MIDEAS: variants seen among roughly 807,000 people sequenced by gnomAD.
MIDEAS encodes the protein mitotic deacetylase-associated SANT domain protein.
Under a neutral mutation model 102.7 loss-of-function variants are expected in MIDEAS, and 26 were observed. The observed-to-expected ratio is 0.25, with a 90% CI of 0.19 to 0.35. MIDEAS has a LOEUF of 0.35. MIDEAS is among the 10% of genes least tolerant of loss of function. MIDEAS has a pLI of 1.00. For missense variants in MIDEAS, 1,231 were observed against 1,435.6 expected, an observed-to-expected ratio of 0.86 and a Z score of 2.30; for synonymous variants, 585 against 591.0, an observed-to-expected ratio of 0.99 and a Z score of 0.15.
chr14:73,785,350 T>C (rs549583643), intron 1 of MIDEAS, among the ~76,000 whole-genome samples: 8 of 152,262 alleles, frequency 5.3e-5, no homozygotes, highest in Non-Finnish European at 8.8e-5. Flanking sequence ...GCATGGCAAA[T>C]GGGAGGATCC....
intron 3 of MIDEAS, among the ~76,000 whole-genome samples, chr14:73,732,048 T>C (rs540269728): frequency 6.6e-6 from 1 of 152,378 alleles, no homozygotes; most frequent in South Asian, 2.1e-4. Context: ...CAGTCTCTTG[T>C]CTTTTCTGGA....
At chr14:73,774,800 T>G (rs1184849472) in intron 1 of MIDEAS, among the ~76,000 whole-genome samples, 1 of 151,934 alleles carries the variant, frequency 6.6e-6, no homozygotes, top group Non-Finnish European at 1.5e-5. Flanking sequence ...GACAGCCAGC[T>G]CACCAAGCAC....
intron 1 of MIDEAS, among the ~76,000 whole-genome samples, chr14:73,748,060 G>A (rs988838881): frequency 6.6e-6 from 1 of 152,126 alleles, no homozygotes; most frequent in Non-Finnish European, 1.5e-5. Context: ...TTACTGTTCT[G>A]TGTCTCGTTA....
At chr14:73,779,571 T>TA (rs35332223) in intron 1 of MIDEAS, among the ~76,000 whole-genome samples, 50,469 of 102,364 alleles carry the variant, frequency 0.49, 10,209 homozygotes, top group Admixed American at 0.53. Context: ...ATTATTATTA[T>TA]TATTTTTTTT....
rs2052897080 is a variant in MIDEAS, at chr14:73,716,714, T to A, written c.*2129A>T. 1 of 138,226 alleles carries A rather than the reference T, an allele frequency of 7.2e-6. No individual in the cohort carries two copies. The highest frequency in any genetic ancestry group is 7.3e-5 in the Admixed American group (1 of 13,712). The allele number at this position is 138,226 out of a possible 1,614,324, so 8.6% of individuals were successfully genotyped here. On this transcript the variant is annotated 3_prime_UTR_variant, in exon 13 of 13. Transcript: ENST00000423556. Reference sequence around the variant, plus strand: ...AAAAAAAAAAAAAAAAAAAAATTTTTTTTCCAAGTACAAGATGTTACCACT... The same window carrying A: ...AAAAAAAAAAAAAAAAAAAAATTTTATTTCCAAGTACAAGATGTTACCACT...
Position 73,716,863 on chromosome 14 carries a change from G to A in MIDEAS, c.*1980C>T, listed in dbSNP as rs1250713581. On this transcript the variant is annotated 3_prime_UTR_variant, in exon 13 of 13. Transcript: ENST00000423556. ...AACATAAGTAGCACTTTGGGGCTAAGCTGCGAAGGCACTCGTATTGTACAA... is the reference window on the plus strand; with the variant it reads ...AACATAAGTAGCACTTTGGGGCTAAACTGCGAAGGCACTCGTATTGTACAA... The A allele has an allele frequency of 1.3e-5, 2 of 152,602 alleles. No homozygotes were observed. The highest frequency in any genetic ancestry group is 2.9e-5 in the Non-Finnish European group (2 of 68,042). 9.5% of individuals were successfully genotyped at this position (152,602 alleles called of 1,614,324 possible). A position where few individuals can be genotyped will look rare whatever the true frequency, so the allele number is the denominator to read the frequency against.
chr14:73,779,575 T>TATTA (rs200936397), intron 1 of MIDEAS, among the ~76,000 whole-genome samples: 1 of 135,640 alleles, frequency 7.4e-6, no homozygotes, highest in African/African-American at 2.8e-5. Flanking sequence ...TTATTATTAT[T>TATTA]TTTTTTTTTT....
chr14:73,780,807 G>C (rs2053748234), intron 1 of MIDEAS, among the ~76,000 whole-genome samples: 2 of 152,144 alleles, frequency 1.3e-5, no homozygotes, highest in South Asian at 4.1e-4. Context: ...GCCTGGGTAG[G>C]AAACTTTGGG....
Position 73,739,102 on chromosome 14 carries a change from G to T in MIDEAS, c.907C>A (p.His303Asn). The T allele has an allele frequency of 6.2e-7, 1 of 1,602,646 alleles. No homozygotes were observed. The highest frequency in any genetic ancestry group is 8.5e-7 in the Non-Finnish European group (1 of 1,172,766). ...AAGGGGTAGGGTGCCATGCTGTGGT[G>T]AGCCAGGTGGGACTGTCCCAGTGGC... The part of the protein sequence containing the change: ...AGPLGQSHLA[H>N]HSMAPYPFPP... The change falls in exon 2 of 13, where the codon CAC (histidine) becomes AAC (asparagine). Residue 303 changes from histidine (H) to asparagine (N), a missense_variant. Physicochemically the swap from His to Asn is moderately conservative, Grantham distance 68 (BLOSUM62 1). This residue lies in a region of MIDEAS where 758 missense variants were observed against 856.0 expected (regional missense o/e 0.89). Coordinates refer to ENST00000423556, the MANE Select transcript of MIDEAS (RefSeq NM_001367710.1).
In MIDEAS at chr14:73,715,197, T is replaced by C. The variant is rs1301332902; in HGVS notation, c.*3646A>G. On this transcript the variant is annotated 3_prime_UTR_variant, in exon 13 of 13. Transcript: ENST00000423556. ...TTCAAAAGTAAATAAGTTACATAGG[T>C]ACATTACAATCACATCAGCAAGATT... 6.6e-6 allele frequency: 1 copy of C among 152,624 alleles called. No individual in the cohort carries two copies. Among genetic ancestry groups the C allele is most frequent in the Admixed American group, 6.5e-5 (1 of 15,274 alleles). 9.5% of individuals were successfully genotyped at this position (152,624 alleles called of 1,614,324 possible). A position where few individuals can be genotyped will look rare whatever the true frequency, so the allele number is the denominator to read the frequency against.
intron 4 of MIDEAS, chr14:73,727,921 A>G: frequency 5.9e-6 from 1 of 169,384 alleles, no homozygotes; most frequent in Non-Finnish European, 1.3e-5. Context: ...AAGAGACTGA[A>G]ACTTTGAGCA....
At chr14:73,754,451 A>C (rs1327497132) in intron 1 of MIDEAS, among the ~76,000 whole-genome samples, 1 of 152,212 alleles carries the variant, frequency 6.6e-6, no homozygotes, top group Non-Finnish European at 1.5e-5. Flanking sequence ...ATTCCTTTGG[A>C]TTCTTCCTGC....
chr14:73,745,024 C>T (rs2053332777), intron 1 of MIDEAS, among the ~76,000 whole-genome samples: 1 of 152,198 alleles, frequency 6.6e-6, no homozygotes, highest in African/African-American at 2.4e-5. Flanking sequence ...TTGTATCTGC[C>T]TGTCAGGATG....
intron 1 of MIDEAS, among the ~76,000 whole-genome samples, chr14:73,751,086 A>G (rs1293336798): frequency 6.6e-6 from 1 of 152,230 alleles, no homozygotes; most frequent in Non-Finnish European, 1.5e-5. Flanking sequence ...CCTTGCCTCA[A>G]GGGATCCTCC....
Position 73,719,273 on chromosome 14 carries a change from GGTCCCAGCGGGGA to G in MIDEAS, c.3134+19_3134+31del, listed in dbSNP as rs756373482. Reference sequence around the variant, plus strand: ...CCCCCTCCGCGCACCAGCCCGCGGGGGTCCCAGCGGGGACAGCGCTGCCCACCTTACCTGCCAC... The same window carrying G: ...CCCCCTCCGCGCACCAGCCCGCGGGGCAGCGCTGCCCACCTTACCTGCCAC... On this transcript the variant is annotated intron_variant, in intron 12 of 12. Coordinates refer to ENST00000423556, the MANE Select transcript of MIDEAS (RefSeq NM_001367710.1). 1.3e-6 allele frequency: 2 copies of G among 1,554,786 alleles called. No homozygotes were observed. The highest frequency in any genetic ancestry group is 1.7e-6 in the Non-Finnish European group (2 of 1,145,468).
At chr14:73,747,893 G>C (rs1015499434) in intron 1 of MIDEAS, among the ~76,000 whole-genome samples, 1 of 152,086 alleles carries the variant, frequency 6.6e-6, no homozygotes, top group African/African-American at 2.4e-5. Context: ...ATGAGGGGTC[G>C]CACAGAGCCC....
rs1344581714 is a variant in MIDEAS at position 73,760,090 on chromosome 14, A to C, written c.-575T>G. 1 of 151,388 alleles carries C rather than the reference A, an allele frequency of 6.6e-6. No individual in the cohort carries two copies. The highest frequency in any genetic ancestry group is 2.0e-4 in the East Asian group (1 of 5,118). The allele number at this position is 151,388 out of a possible 1,614,324, so 9.4% of individuals were successfully genotyped here. A position where few individuals can be genotyped will look rare whatever the true frequency, so the allele number is the denominator to read the frequency against. ...CGTGTCACCCCCAGTCCTGCGATGC[A>C]GTGTCAGGATTGCACGGCTCTGACT... On this transcript the variant is annotated 5_prime_UTR_variant, in exon 1 of 13. Coordinates refer to ENST00000423556, the MANE Select transcript of MIDEAS (RefSeq NM_001367710.1). This position sits in a 1 kb window ranked among gnomAD's most constrained non-coding sequence, Gnocchi z 4.8.
chr14:73,755,416 T>C (rs958361517), intron 1 of MIDEAS, among the ~76,000 whole-genome samples: 1 of 152,244 alleles, frequency 6.6e-6, no homozygotes, highest in Non-Finnish European at 1.5e-5. Flanking sequence ...ATAATTTTAA[T>C]GGGTAAAAGA....
intron 7 of MIDEAS, among the ~76,000 whole-genome samples, 158 bp downstream of exon 7, chr14:73,726,446 G>A (rs901149556): frequency 2.6e-5 from 4 of 152,228 alleles, no homozygotes; most frequent in Admixed American, 2.0e-4. Context: ...TCTGAAACTA[G>A]GGCTCCCTTG....
Sources: gnomAD v4.1 joint callset for allele counts (sites outside exome capture counted in the v4.1 genomes callset) on GRCh38, gnomAD v4.1.1 for gene constraint, gnomAD v4.1.1 regional missense constraint, Gnocchi (gnomAD v3.1) non-coding constraint, MANE v1.5 for transcripts, NCBI Gene and HGNC (gene_info 2026-07-23, HGNC 2026-07-21) for gene names.